The following FNBP4 variants were observed in gnomAD, a reference collection of about 807,000 sequenced individuals.
The protein encoded by FNBP4 is formin binding protein 4.
A neutral mutation model predicts 119.3 loss-of-function variants in FNBP4; 34 were observed. The ratio of observed to expected loss-of-function variants is 0.28; its 90% CI spans 0.22 to 0.38. The LOEUF is 0.38. Ranked by LOEUF, FNBP4 falls within the 10% of genes least tolerant of loss-of-function variation. The pLI is 1.00. For missense variants in FNBP4, 1,112 were observed against 1,228.9 expected, an observed-to-expected ratio of 0.90 and a Z score of 1.42; for synonymous variants, 462 against 430.6, an observed-to-expected ratio of 1.07 and a Z score of -0.90.
intron 2 of FNBP4, among the ~76,000 whole-genome samples, chr11:47,763,292 C>T (rs1287798728): frequency 6.6e-6 from 1 of 151,850 alleles, no homozygotes; most frequent in Admixed American, 6.6e-5. Flanking sequence ...GGCAAAACCC[C>T]GTCTCTACTA....
rs755775379 is a variant in FNBP4, at chr11:47,746,349, TCTC to T, written c.949_951del (p.Glu317del). The T allele has an allele frequency of 8.1e-6, 13 of 1,613,242 alleles. No homozygotes were observed. The highest frequency in any genetic ancestry group is 4.0e-5 in the African/African-American group (3 of 74,798). On this transcript the variant is annotated inframe_deletion, in exon 7 of 17. Coordinates refer to ENST00000263773, the MANE Select transcript of FNBP4 (RefSeq NM_015308.5). ...AGCAGCGATGCTGCCACCCCTTTCT[TCTC>T]CTCCTCACTATTTGAGAGAGCCTGA...
At chr11:47,738,729 G>A (rs1443386018) in intron 8 of FNBP4, among the ~76,000 whole-genome samples, 1 of 151,760 alleles carries the variant, frequency 6.6e-6, no homozygotes, top group African/African-American at 2.4e-5. Flanking sequence ...CGCCCAGGCT[G>A]GAGAACAGTG....
chr11:47,721,047 C>T (rs752039851), intron 15 of FNBP4, among the ~76,000 whole-genome samples: 4 of 151,964 alleles, frequency 2.6e-5, no homozygotes, highest in Non-Finnish European at 5.9e-5. Flanking sequence ...AAAATATCGG[C>T]TGGGCACGAT....
intron 1 of FNBP4, 57 bp from the exon 2 acceptor site, chr11:47,765,419 C>A (rs566813737): frequency 1.8e-6 from 1 of 563,664 alleles, no homozygotes; most frequent in Non-Finnish European, 2.7e-6. Context: ...GAAAAGAAAA[C>A]TGCAGTCAGA....
chr11:47,728,547 T>G (rs1441934923), intron 12 of FNBP4, among the ~76,000 whole-genome samples: 1 of 152,042 alleles, frequency 6.6e-6, no homozygotes, highest in East Asian at 1.9e-4. Context: ...TTTTCCTTTT[T>G]CTTTTTGAGA....
chr11:47,748,862 G>A (rs1399409092), intron 6 of FNBP4, among the ~76,000 whole-genome samples: 1 of 151,976 alleles, frequency 6.6e-6, no homozygotes, highest in Non-Finnish European at 1.5e-5. Context: ...GGCCAGGCTG[G>A]TCTTGAACTC....
chr11:47,749,324 C>CACTTTGAGA (rs11283175), intron 6 of FNBP4, among the ~76,000 whole-genome samples: 3 of 151,984 alleles, frequency 2.0e-5, no homozygotes, highest in Non-Finnish European at 4.4e-5. Flanking sequence ...GTAATCCCAG[C>CACTTTGAGA]GTCTGAGGCA....
Position 47,750,985 on chromosome 11 carries a change from AGAATATATGTCT to A in FNBP4, c.825_836del (p.Asp276_Ser279del). The A allele has an allele frequency of 6.2e-7, 1 of 1,614,040 alleles. No homozygotes were observed. The highest frequency in any genetic ancestry group is 1.6e-4 in the Middle Eastern group (1 of 6,062). ...TGGAAACAGAAATCGTTTTCTCCTT[AGAATATATGTCT>A]GTATTTACCACAAAACTAGTTTCAG... On this transcript the variant is annotated inframe_deletion, in exon 6 of 17. Transcript: ENST00000263773.
chr11:47,744,753 A>G (rs1219869981), intron 7 of FNBP4, among the ~76,000 whole-genome samples: 1 of 152,190 alleles, frequency 6.6e-6, no homozygotes, highest in South Asian at 2.1e-4. Flanking sequence ...TTCATTCTTT[A>G]AAGTTATTTT....
chr11:47,754,073 C>T lies in FNBP4; in HGVS notation c.450+455G>A, dbSNP rs11039368. On this transcript the variant is annotated intron_variant, in intron 3 of 16. Coordinates refer to ENST00000263773, the MANE Select transcript of FNBP4 (RefSeq NM_015308.5). The stretch of plus-strand genomic sequence containing the variant: ...TACAAAAATCAGCTGGGTGTGGTGG[C>T]ACATACCTGTAGCCCCAGCTACTCG... Among the ~76,000 whole-genome samples, 649 of 151,854 alleles carry T rather than the reference C, an allele frequency of 4.3e-3. 3 individuals carry two copies. Among genetic ancestry groups the T allele is most frequent in the Admixed American group, 8.6e-3 (131 of 15,206 alleles).
chr11:47,727,248 C>CTT (rs2097562059), intron 12 of FNBP4, among the ~76,000 whole-genome samples: 2 of 136,082 alleles, frequency 1.5e-5, no homozygotes, highest in Non-Finnish European at 3.3e-5. Context: ...CAATACTTTT[C>CTT]TTCTTTTTTT....
intron 15 of FNBP4, among the ~76,000 whole-genome samples, chr11:47,721,499 A>T (rs2097555609): frequency 1.3e-5 from 2 of 151,894 alleles, no homozygotes; most frequent in South Asian, 4.2e-4. Context: ...GCTACTCAGG[A>T]GACTGAGGCA....
At chr11:47,745,667 T>C (rs916900819) in intron 7 of FNBP4, among the ~76,000 whole-genome samples, 3 of 152,130 alleles carry the variant, frequency 2.0e-5, no homozygotes, top group Non-Finnish European at 2.9e-5. Context: ...TCCTCCCCTT[T>C]TGAAACCCTT....
intron 2 of FNBP4, among the ~76,000 whole-genome samples, chr11:47,764,024 G>A (rs1443697389): frequency 6.6e-6 from 1 of 152,104 alleles, no homozygotes; most frequent in Non-Finnish European, 1.5e-5. Flanking sequence ...GGGAGGTAGG[G>A]GCCTAATGGA....
chr11:47,751,594 C>G (rs1245809701), intron 4 of FNBP4, among the ~76,000 whole-genome samples: 1 of 152,078 alleles, frequency 6.6e-6, no homozygotes, highest in South Asian at 2.1e-4. Context: ...AACCACTGGC[C>G]TAACACCAAG....
chr11:47,747,238 T>A (rs1303544546), intron 6 of FNBP4, among the ~76,000 whole-genome samples: 2 of 152,006 alleles, frequency 1.3e-5, no homozygotes, highest in Non-Finnish European at 2.9e-5. Context: ...GAACTCTCGC[T>A]CTTCTTGCCC....
intron 2 of FNBP4, 38 bp downstream of exon 2, chr11:47,765,232 G>A (rs777621543): frequency 6.5e-6 from 9 of 1,381,362 alleles, no homozygotes; most frequent in Admixed American, 1.9e-5. Flanking sequence ...AATGAAAGAC[G>A]TGGGAGAAAA....
chr11:47,765,567 C>CGCGG, intron 1 of FNBP4, among the ~76,000 whole-genome samples: 1 of 36,394 alleles, frequency 2.7e-5, no homozygotes, highest in Non-Finnish European at 4.4e-5. Context: ...GAGGCCAAGA[C>CGCGG]GGGGGGGGGG....
At position 47,729,079 on chromosome 11, in the gene FNBP4, T is replaced by G. The variant is rs1398815157; in HGVS notation, c.2008+2295A>C. On this transcript the variant is annotated intron_variant, in intron 12 of 16. Coordinates refer to ENST00000263773, the MANE Select transcript of FNBP4 (RefSeq NM_015308.5). ...GTTGCCCAGGCTGGTCTTGAACTCT[T>G]GACCTCAGGTGATCCACCCGCCTCA... 3.8e-6 allele frequency: 3 copies of G among 782,678 alleles called. No individual in the cohort carries two copies. The Admixed American group carries it at 1.9e-4, about 49-fold the overall frequency. The allele number at this position is 782,678 out of a possible 1,614,324, so 48.5% of individuals were successfully genotyped here. A position where few individuals can be genotyped will look rare whatever the true frequency, so the allele number is the denominator to read the frequency against.
Sources: gnomAD v4.1 joint callset for allele counts (sites outside exome capture counted in the v4.1 genomes callset) on GRCh38, gnomAD v4.1.1 for gene constraint, MANE v1.5 for transcripts, NCBI Gene and HGNC (gene_info 2026-07-23, HGNC 2026-07-21) for gene names.